The following PARD3 variants were observed in gnomAD, a reference collection of about 807,000 sequenced individuals.
PARD3 encodes the protein par-3 family cell polarity regulator, also known as partitioning defective 3 homolog.
Under a neutral mutation model 155.4 loss-of-function variants are expected in PARD3, and 75 were observed. That is an observed-to-expected ratio of 0.48 (90% CI 0.40 to 0.58). The LOEUF is 0.58. PARD3 is among the 20% of genes least tolerant of loss of function. The pLI is 0.00. For synonymous variants in PARD3, 576 were observed against 610.5 expected (o/e 0.94, Z 0.83); for missense variants, 1,642 against 1,721.7 (o/e 0.95, Z 0.82).
At chr10:34,525,109 G>A (rs1485222193) in intron 2 of PARD3, among the ~76,000 whole-genome samples, 1 of 152,120 alleles carries the variant, frequency 6.6e-6, no homozygotes, top group Admixed American at 6.5e-5. Flanking sequence ...TTAACTGGAC[G>A]AGTAAGCAAA....
At chr10:34,670,678 C>A (rs780267438) in intron 2 of PARD3, among the ~76,000 whole-genome samples, 1 of 152,060 alleles carries the variant, frequency 6.6e-6, no homozygotes, top group Non-Finnish European at 1.5e-5. Flanking sequence ...CCTAGTGAAA[C>A]CATGGTTAAG....
At chr10:34,359,376 C>T (rs1946606370) in intron 13 of PARD3, 59 bp from the exon 14 acceptor site, 7 of 1,196,198 alleles carry the variant, frequency 5.9e-6, no homozygotes, top group South Asian at 1.6e-5. Flanking sequence ...AAAGAAGTAG[C>T]TTTTCCTTTA....
intron 2 of PARD3, chr10:34,664,080 A>C (rs1330122514): frequency 6.6e-6 from 1 of 152,280 alleles, no homozygotes; most frequent in Non-Finnish European, 1.5e-5. Flanking sequence ...TGTTTCCCTA[A>C]GGATGACACT....
At chr10:34,701,331 G>GGATGAT (rs35234066) in intron 1 of PARD3, among the ~76,000 whole-genome samples, 1 of 115,494 alleles carries the variant, frequency 8.7e-6, no homozygotes, top group Non-Finnish European at 1.8e-5. Flanking sequence ...ATACACGCGG[G>GGATGAT]GATGTTGTTG....
At chr10:34,420,711 G>A (rs764448450) in intron 5 of PARD3, among the ~76,000 whole-genome samples, 1 of 152,106 alleles carries the variant, frequency 6.6e-6, no homozygotes, top group Non-Finnish European at 1.5e-5. Flanking sequence ...TCACTTGCAT[G>A]CACAAATAGA....
At chr10:34,564,568 C>CTT (rs1381847380) in intron 2 of PARD3, among the ~76,000 whole-genome samples, 2 of 152,174 alleles carry the variant, frequency 1.3e-5, no homozygotes, top group Non-Finnish European at 2.9e-5. Flanking sequence ...GCTGTAGCCT[C>CTT]TGTGATTCGG....
chr10:34,316,176 G>A (rs1165282281), intron 20 of PARD3, among the ~76,000 whole-genome samples: 1 of 152,162 alleles, frequency 6.6e-6, no homozygotes, highest in Admixed American at 6.5e-5. Context: ...TTTTTGAAAA[G>A]TCAAATGGCT....
At chr10:34,743,260 C>G (rs2095051214) in intron 1 of PARD3, among the ~76,000 whole-genome samples, 1 of 152,206 alleles carries the variant, frequency 6.6e-6, no homozygotes, top group African/African-American at 2.4e-5. Context: ...CACCAGGTGA[C>G]TGGTTTCCTA....
At chr10:34,709,906 T>G (rs1048432156) in intron 1 of PARD3, among the ~76,000 whole-genome samples, 2 of 151,996 alleles carry the variant, frequency 1.3e-5, no homozygotes, top group African/African-American at 4.8e-5. Flanking sequence ...CCAAATTAAT[T>G]TTAAACAAAT....
chr10:34,343,532 G>A, intron 15 of PARD3: 2 of 985,108 alleles, frequency 2.0e-6, no homozygotes, highest in Non-Finnish European at 2.4e-6. Context: ...GATTTGAAAG[G>A]CTAGTATTTC....
intron 5 of PARD3, among the ~76,000 whole-genome samples, chr10:34,444,104 A>C (rs1418471205): frequency 1.3e-5 from 2 of 152,214 alleles, no homozygotes; most frequent in Admixed American, 1.3e-4. Context: ...TTTTGCTCTA[A>C]AGGTCAGGGC....
chr10:34,133,193 A>G (rs1692709), intron 22 of PARD3, among the ~76,000 whole-genome samples: 77,200 of 151,700 alleles, frequency 0.51, 20,699 homozygotes, highest in Non-Finnish European at 0.6. Context: ...ATCTGCAGAC[A>G]GGAGAGCTAA....
At chr10:34,328,432 C>T (rs1835272123) in intron 19 of PARD3, among the ~76,000 whole-genome samples, 1 of 152,120 alleles carries the variant, frequency 6.6e-6, no homozygotes, top group African/African-American at 2.4e-5. Flanking sequence ...CTTCGGAAAC[C>T]ATCTAAACCA....
intron 22 of PARD3, among the ~76,000 whole-genome samples, chr10:34,196,350 C>T (rs1368522540): frequency 6.6e-6 from 1 of 152,142 alleles, no homozygotes; most frequent in African/African-American, 2.4e-5. Context: ...ATTTGAGAGT[C>T]ACTTAAAAAA....
At chr10:34,786,602 C>A (rs1840992368) in intron 1 of PARD3, among the ~76,000 whole-genome samples, 1 of 152,144 alleles carries the variant, frequency 6.6e-6, no homozygotes, top group African/African-American at 2.4e-5. Flanking sequence ...ACCCAGGCAT[C>A]TTATTACATC....
chr10:34,387,677 G>C (rs1042226206), intron 7 of PARD3, among the ~76,000 whole-genome samples: 1 of 152,154 alleles, frequency 6.6e-6, no homozygotes, highest in Non-Finnish European at 1.5e-5. Flanking sequence ...TGGGATTACA[G>C]GCTTGAGCCA....
intron 20 of PARD3, among the ~76,000 whole-genome samples, chr10:34,294,557 T>A (rs181716550): frequency 6.6e-6 from 1 of 152,372 alleles, no homozygotes; most frequent in African/African-American, 2.4e-5. Context: ...AAACAATTCC[T>A]TTTGATTCAC....
At chr10:34,769,743 G>GGA (rs770187282) in intron 1 of PARD3, among the ~76,000 whole-genome samples, 7 of 148,590 alleles carry the variant, frequency 4.7e-5, no homozygotes, top group Admixed American at 3.4e-4. Context: ...GGCAACAGAG[G>GGA]GAGAGAGAGA....
chr10:34,399,437 G>A, intron 6 of PARD3, 24 bp from the exon 7 acceptor site: 2 of 1,479,428 alleles, frequency 1.4e-6, no homozygotes, highest in Non-Finnish European at 1.9e-6. Context: ...ATGAATGAGG[G>A]AGCATGAACG....
Sources: gnomAD v4.1 joint callset for allele counts (sites outside exome capture counted in the v4.1 genomes callset) on GRCh38, gnomAD v4.1.1 for gene constraint, MANE v1.5 for transcripts, NCBI Gene and HGNC (gene_info 2026-07-23, HGNC 2026-07-21) for gene names.